Variants in MGLL observed in about 807,000 individuals in gnomAD.
The protein encoded by MGLL is lysophospholipase homolog.
In MGLL, 7 loss-of-function variants were observed where a neutral mutation model predicts 29.1. That is an observed-to-expected ratio of 0.24 (90% confidence interval 0.14 to 0.45). The LOEUF (loss-of-function observed/expected upper bound fraction) is 0.45. Ranked by LOEUF, MGLL falls within the 20% of genes least tolerant of loss-of-function variation. The pLI is 0.99. For synonymous variants in MGLL, 148 were observed against 168.3 expected (o/e 0.88, Z 0.93); for missense variants, 356 against 413.6 (o/e 0.86, Z 1.21).
chr3:127,708,471 CTGAG>C (rs2075646699), intron 6 of MGLL, among the ~76,000 whole-genome samples: 1 of 152,174 alleles, frequency 6.6e-6, no homozygotes, highest in Admixed American at 6.5e-5. Context: ...TGCTTCCATC[CTGAG>C]TAAGACCGAA....
intron 3 of MGLL, among the ~76,000 whole-genome samples, chr3:127,751,917 A>G (rs2076566202): frequency 6.6e-6 from 1 of 152,190 alleles, no homozygotes; most frequent in Admixed American, 6.5e-5. Flanking sequence ...GCACTGTGGC[A>G]GGTGAAAAGC....
At position 127,822,454 on chromosome 3, in the gene MGLL, T is replaced by C; in HGVS notation, c.-136A>G. The C allele has an allele frequency of 3.3e-6, 3 of 905,208 alleles. No homozygotes were observed. The highest frequency in any genetic ancestry group is 5.3e-6 in the Non-Finnish European group (3 of 564,608). The allele number at this position is 905,208 out of a possible 1,614,324, so 56.1% of individuals were successfully genotyped here. On this transcript the variant is annotated 5_prime_UTR_variant, in exon 1 of 8. Transcript: ENST00000265052. The stretch of plus-strand genomic sequence containing the variant: ...GAGCCCTCTTCCCGCACCCAGACCC[T>C]GCCTTTCGGGCTGGGGCGCTCAGCC...
At chr3:127,778,564 C>CA (rs1298821374) in intron 3 of MGLL, among the ~76,000 whole-genome samples, 9 of 152,152 alleles carry the variant, frequency 5.9e-5, no homozygotes, top group Admixed American at 5.9e-4. Context: ...GATGAAAGTG[C>CA]AGTAGCATGC....
At chr3:127,779,660 T>C (rs981334342) in intron 3 of MGLL, among the ~76,000 whole-genome samples, 2 of 152,194 alleles carry the variant, frequency 1.3e-5, no homozygotes, top group Admixed American at 6.5e-5. Flanking sequence ...AATACTATAA[T>C]GCATTGAGCA....
intron 3 of MGLL, among the ~76,000 whole-genome samples, chr3:127,732,284 C>T (rs1023467298): frequency 2.0e-5 from 3 of 152,202 alleles, no homozygotes; most frequent in Admixed American, 2.0e-4. Context: ...GAGTTTGTTT[C>T]ATTTGTTCCC....
At chr3:127,720,322 C>T (rs962170375) in intron 5 of MGLL, among the ~76,000 whole-genome samples, 2 of 152,222 alleles carry the variant, frequency 1.3e-5, no homozygotes, top group African/African-American at 2.4e-5. Context: ...TCCACCCTCA[C>T]TGCGGCTATG....
rs1166545761 is a variant in MGLL at position 127,691,074 on chromosome 3, C to T, written c.*1124G>A. On this transcript the variant is annotated 3_prime_UTR_variant, in exon 8 of 8. Coordinates refer to ENST00000265052, the MANE Select transcript of MGLL (RefSeq NM_007283.7). ...GAGGTAGCTGTGCTGCTAGCACTGA[C>T]ACTCCCAGGGTAGCTCTGGGCCATA... 1 of 152,918 alleles carries T rather than the reference C, an allele frequency of 6.5e-6. No homozygotes were observed. Among genetic ancestry groups the T allele is most frequent in the Non-Finnish European group, 1.5e-5 (1 of 68,270 alleles). 9.5% of individuals were successfully genotyped at this position (152,918 alleles called of 1,614,324 possible).
chr3:127,772,538 G>T (rs968342999), intron 3 of MGLL, among the ~76,000 whole-genome samples: 2 of 152,200 alleles, frequency 1.3e-5, no homozygotes, highest in Non-Finnish European at 2.9e-5. Flanking sequence ...TTCCCACAGT[G>T]CTCTTGAGGG....
chr3:127,766,748 A>G (rs1021518348), intron 3 of MGLL, among the ~76,000 whole-genome samples: 2 of 152,204 alleles, frequency 1.3e-5, no homozygotes, highest in African/African-American at 4.8e-5. Context: ...TTTCTTTCAA[A>G]TATGAAGCCT....
At chr3:127,814,777 A>T (rs1432940015) in intron 2 of MGLL, among the ~76,000 whole-genome samples, 1 of 152,260 alleles carries the variant, frequency 6.6e-6, no homozygotes, top group Non-Finnish European at 1.5e-5. Flanking sequence ...TTGCTATTTG[A>T]AGAGTATTTT....
At chr3:127,754,002 C>T (rs1303271047) in intron 3 of MGLL, among the ~76,000 whole-genome samples, 1 of 152,252 alleles carries the variant, frequency 6.6e-6, no homozygotes, top group Non-Finnish European at 1.5e-5. Context: ...CAGCGCCCTG[C>T]ACTCCTAGCC....
chr3:127,715,630 A>T (rs1371225499), intron 5 of MGLL: 2 of 455,748 alleles, frequency 4.4e-6, no homozygotes, highest in Non-Finnish European at 4.4e-6. Flanking sequence ...AGCTAAGCAG[A>T]GGAAGTGGGT....
intron 3 of MGLL, among the ~76,000 whole-genome samples, chr3:127,760,672 G>A (rs1160862207): frequency 4.6e-5 from 7 of 152,248 alleles, no homozygotes; most frequent in African/African-American, 1.7e-4. Context: ...TGTGCCCCAC[G>A]CCAAGCTGCT....
chr3:127,774,721 C>T (rs923204074), intron 3 of MGLL, among the ~76,000 whole-genome samples: 44 of 152,290 alleles, frequency 2.9e-4, no homozygotes, highest in African/African-American at 1.1e-3. Flanking sequence ...GCAGCAGCAG[C>T]AGCAGCAGCA....
chr3:127,725,738 C>A (rs554488434), intron 3 of MGLL, among the ~76,000 whole-genome samples: 1 of 152,292 alleles, frequency 6.6e-6, no homozygotes, highest in East Asian at 1.9e-4. Flanking sequence ...TATACATACA[C>A]ATTTATGAAT....
intron 2 of MGLL, among the ~76,000 whole-genome samples, chr3:127,811,142 C>T (rs2077655432): frequency 6.7e-6 from 1 of 149,112 alleles, no homozygotes; most frequent in African/African-American, 2.6e-5. Context: ...ATATTCTTTT[C>T]CTGCAAAACT....
At chr3:127,711,482 C>G (rs1193111176) in intron 5 of MGLL, 1 of 152,458 alleles carries the variant, frequency 6.6e-6, no homozygotes, top group East Asian at 1.9e-4. Context: ...GGATCTCACA[C>G]TTCTGCCTTC....
chr3:127,794,657 C>T (rs1261367012), intron 2 of MGLL, among the ~76,000 whole-genome samples: 1 of 152,196 alleles, frequency 6.6e-6, no homozygotes, highest in Admixed American at 6.5e-5. Context: ...AAACTGTCTT[C>T]CATGATGTCA....
At chr3:127,763,734 G>T (rs993872263) in intron 3 of MGLL, among the ~76,000 whole-genome samples, 2 of 151,888 alleles carry the variant, frequency 1.3e-5, no homozygotes, top group Admixed American at 6.6e-5. Context: ...TTCCCCTCCC[G>T]CCCCTTCTCC....
Sources: allele counts gnomAD v4.1 joint callset (sites outside exome capture counted in the v4.1 genomes callset), GRCh38; gene constraint gnomAD v4.1.1; transcripts MANE v1.5; gene names NCBI Gene and HGNC (gene_info 2026-07-23, HGNC 2026-07-21).